MRPS28: variants seen among roughly 807,000 people sequenced by gnomAD.
MRPS28 encodes the protein mitochondrial ribosomal protein S28.
Under a neutral mutation model 10.8 loss-of-function variants are expected in MRPS28, and 7 were observed. The ratio of observed to expected loss-of-function variants is 0.65; its 90% CI spans 0.37 to 1.22. The LOEUF (loss-of-function observed/expected upper bound fraction) is 1.22, where lower values mean the gene tolerates loss of function less well. MRPS28 is among the 50% of genes most tolerant of loss of function. The pLI is 0.02. For synonymous variants in MRPS28, 121 were observed against 93.3 expected (o/e 1.30, Z -1.71); for missense variants, 265 against 232.9 (o/e 1.14, Z -0.90).
intron 2 of MRPS28, among the ~76,000 whole-genome samples, chr8:79,929,728 G>GT (rs1173923641): frequency 8.6e-5 from 13 of 152,022 alleles, no homozygotes; most frequent in African/African-American, 2.7e-4. Context: ...GGAACAGGTT[G>GT]TTTTTTTGTG....
At chr8:80,019,191 AAG>A (rs924122231) in intron 1 of MRPS28, among the ~76,000 whole-genome samples, 3 of 151,500 alleles carry the variant, frequency 2.0e-5, no homozygotes, top group African/African-American at 7.3e-5. Flanking sequence ...AAATAACTAA[AAG>A]AGTTTAATTT....
chr8:80,007,458 A>G (rs1808885046), intron 1 of MRPS28, among the ~76,000 whole-genome samples: 1 of 152,238 alleles, frequency 6.6e-6, no homozygotes, highest in Non-Finnish European at 1.5e-5. Context: ...AGGGTATTCA[A>G]TTAGGAAAAG....
chr8:79,975,712 G>GA (rs969582361), intron 2 of MRPS28, among the ~76,000 whole-genome samples: 26 of 149,508 alleles, frequency 1.7e-4, no homozygotes, highest in South Asian at 1.3e-3. Context: ...TTGGCAAGAT[G>GA]AAAAAAAAAC....
intron 2 of MRPS28, among the ~76,000 whole-genome samples, chr8:79,961,226 T>C (rs756457472): frequency 3.3e-5 from 5 of 152,140 alleles, no homozygotes; most frequent in Admixed American, 2.0e-4. Context: ...AATATCTAAA[T>C]TGGAATTCAG....
At chr8:79,977,448 A>T (rs1673262636) in intron 2 of MRPS28, among the ~76,000 whole-genome samples, 1 of 152,250 alleles carries the variant, frequency 6.6e-6, no homozygotes, top group Non-Finnish European at 1.5e-5. Context: ...AATGATTTAA[A>T]GCTTTAATCT....
At chr8:79,992,193 C>T (rs1167866068) in intron 2 of MRPS28, among the ~76,000 whole-genome samples, 1 of 152,202 alleles carries the variant, frequency 6.6e-6, no homozygotes, top group East Asian at 1.9e-4. Context: ...GAGCCAGAAT[C>T]ATCTAGCTAA....
intron 2 of MRPS28, among the ~76,000 whole-genome samples, chr8:79,994,414 T>C (rs900220806): frequency 6.6e-6 from 1 of 152,104 alleles, no homozygotes; most frequent in Non-Finnish European, 1.5e-5. Context: ...ATAATATCAA[T>C]AACACACTCC....
At position 80,030,227 on chromosome 8, in the gene MRPS28, G is replaced by T. The variant is rs907869840; in HGVS notation, c.22C>A (p.Arg8Ser). The change falls in exon 1 of 3, where the codon CGT becomes AGT. Residue 8 changes from arginine (R) to serine (S), a missense_variant. By Grantham distance (110) the Arg-to-Ser change is moderately radical (BLOSUM62 -1). Transcript: ENST00000276585. MAALCRT[R>S]AVAAESHFLR... ...AAATGGCTCTCGGCAGCCACAGCAC[G>T]GGTCCGACACAGCGCCGCCATGACT... The T allele has an allele frequency of 1.2e-6, 2 of 1,614,006 alleles. No individual in the cohort carries two copies.
At chr8:80,007,265 C>T (rs916991565) in intron 1 of MRPS28, among the ~76,000 whole-genome samples, 5 of 152,126 alleles carry the variant, frequency 3.3e-5, no homozygotes, top group Non-Finnish European at 7.4e-5. Context: ...ATTGATGGCA[C>T]GTATCTCAAA....
chr8:79,941,033 T>C (rs762481585), intron 2 of MRPS28, among the ~76,000 whole-genome samples: 11 of 152,156 alleles, frequency 7.2e-5, no homozygotes, highest in Non-Finnish European at 1.3e-4. Context: ...TGCTTAAATA[T>C]AAAAGCACTT....
intron 2 of MRPS28, among the ~76,000 whole-genome samples, chr8:79,997,833 T>C (rs1808543777): frequency 1.3e-5 from 2 of 151,930 alleles, no homozygotes; most frequent in Admixed American, 6.6e-5. Flanking sequence ...GACGGGCGGA[T>C]CACTTGACGC....
At chr8:79,977,158 ATG>A (rs1326375777) in intron 2 of MRPS28, among the ~76,000 whole-genome samples, 2 of 152,242 alleles carry the variant, frequency 1.3e-5, no homozygotes, top group Non-Finnish European at 2.9e-5. Flanking sequence ...AAACCATATT[ATG>A]TACAAACAAA....
chr8:80,028,645 C>CGGGCGGGGGCGGGGGGG (rs1554575874), intron 1 of MRPS28: 1 of 3,332 alleles, frequency 3.0e-4, no homozygotes, highest in African/African-American at 1.5e-3. Flanking sequence ...AAGCAGAAGA[C>CGGGCGGGGGCGGGGGGG]GGGCGGGGGG....
At chr8:79,942,757 T>G (rs373678932) in intron 2 of MRPS28, among the ~76,000 whole-genome samples, 21 of 152,316 alleles carry the variant, frequency 1.4e-4, no homozygotes, top group African/African-American at 4.3e-4. Context: ...AGATTGCTTT[T>G]TAAATACTAA....
chr8:79,958,410 A>G (rs1056059650), intron 2 of MRPS28: 5 of 695,424 alleles, frequency 7.2e-6, no homozygotes, highest in Middle Eastern at 2.3e-4. Context: ...AATCTCCTCC[A>G]AACAGCATAC....
At chr8:80,007,245 G>A (rs1401557259) in intron 1 of MRPS28, among the ~76,000 whole-genome samples, 1 of 151,998 alleles carries the variant, frequency 6.6e-6, no homozygotes, top group Non-Finnish European at 1.5e-5. Context: ...AAACTCTCAA[G>A]CAATTAGGTA....
chr8:79,976,340 C>T (rs1186909422), intron 2 of MRPS28, among the ~76,000 whole-genome samples: 1 of 152,184 alleles, frequency 6.6e-6, no homozygotes, highest in Non-Finnish European at 1.5e-5. Flanking sequence ...GCCTCGGCCT[C>T]CCAAAGTGCT....
chr8:80,011,901 T>TTG (rs1809062391), intron 1 of MRPS28, among the ~76,000 whole-genome samples: 2 of 152,360 alleles, frequency 1.3e-5, no homozygotes, highest in South Asian at 4.1e-4. Flanking sequence ...CACAATGTCC[T>TTG]TTTTCAATTG....
intron 2 of MRPS28, among the ~76,000 whole-genome samples, chr8:79,933,925 C>A (rs149532645): frequency 1.3e-5 from 2 of 152,258 alleles, no homozygotes; most frequent in African/African-American, 4.8e-5. Context: ...GTTCATTTGG[C>A]CACTAAAGAA....
Sources: gnomAD v4.1 joint callset for allele counts (sites outside exome capture counted in the v4.1 genomes callset) on GRCh38, gnomAD v4.1.1 for gene constraint, MANE v1.5 for transcripts, NCBI Gene and HGNC (gene_info 2026-07-23, HGNC 2026-07-21) for gene names.